Variants in RBFOX1 observed in about 807,000 individuals in gnomAD.
RBFOX1 encodes the protein RNA binding fox-1 homolog 1, also known as RNA binding protein fox-1 homolog 1.
RBFOX1 carries 8 observed loss-of-function variants against 57.7 expected under a neutral mutation model. The observed-to-expected ratio is 0.14, with a 90% CI of 0.08 to 0.25. The LOEUF (loss-of-function observed/expected upper bound fraction) is 0.25. Ranked by LOEUF, RBFOX1 falls within the 10% of genes least tolerant of loss-of-function variation. The pLI, the probability that RBFOX1 is intolerant of heterozygous loss-of-function variation, is 1.00. For synonymous variants in RBFOX1, 326 were observed against 222.4 expected, an observed-to-expected ratio of 1.47 and a Z score of -4.15; for missense variants, 611 against 548.5, an observed-to-expected ratio of 1.11 and a Z score of -1.14.
chr16:7,336,080 T>G (rs545265269), intron 4 of RBFOX1, among the ~76,000 whole-genome samples: 2 of 152,350 alleles, frequency 1.3e-5, no homozygotes, highest in Admixed American at 6.5e-5. Flanking sequence ...TTAACACTAC[T>G]TATTTCTGAA....
At chr16:6,681,138 C>T (rs944721739) in intron 3 of RBFOX1, among the ~76,000 whole-genome samples, 3 of 151,930 alleles carry the variant, frequency 2.0e-5, no homozygotes, top group Non-Finnish European at 4.4e-5. Context: ...TGGTGAGACC[C>T]CCATCTCTAC....
intron 2 of RBFOX1, among the ~76,000 whole-genome samples, chr16:5,521,071 C>T (rs1251930318): frequency 6.6e-6 from 1 of 152,182 alleles, no homozygotes; most frequent in Non-Finnish European, 1.5e-5. Flanking sequence ...ACTGAACCAG[C>T]CCCTAACCTC....
chr16:7,568,540 G>T (rs145001495), intron 5 of RBFOX1, among the ~76,000 whole-genome samples: 1 of 152,104 alleles, frequency 6.6e-6, no homozygotes, highest in Admixed American at 6.6e-5. Context: ...TATCAGCAAT[G>T]TGTTTATTAC....
At chr16:6,374,882 C>T (rs1714532023) in intron 2 of RBFOX1, among the ~76,000 whole-genome samples, 1 of 152,144 alleles carries the variant, frequency 6.6e-6, no homozygotes, top group Admixed American at 6.5e-5. Context: ...ATTTCTTAGC[C>T]TGTCAAGATT....
chr16:6,897,763 A>C (rs1422931314), intron 3 of RBFOX1, among the ~76,000 whole-genome samples: 1 of 152,178 alleles, frequency 6.6e-6, no homozygotes, highest in Admixed American at 6.5e-5. Context: ...GTTACACTCC[A>C]GCCTTGGATG....
At chr16:7,028,533 G>C (rs1219272131) in intron 3 of RBFOX1, among the ~76,000 whole-genome samples, 2 of 142,734 alleles carry the variant, frequency 1.4e-5, no homozygotes, top group Admixed American at 7.7e-5. Context: ...GTTGCAGTGA[G>C]CTGAGGTTGA....
chr16:7,300,925 CT>C (rs1305780594), intron 4 of RBFOX1, among the ~76,000 whole-genome samples: 1 of 152,068 alleles, frequency 6.6e-6, no homozygotes, highest in Non-Finnish European at 1.5e-5. Flanking sequence ...CAGGGTGGCC[CT>C]TGAATGCATA....
chr16:6,017,898 A>G (rs764606951), upstream of RBFOX1, among the ~76,000 whole-genome samples: 8 of 152,206 alleles, frequency 5.3e-5, no homozygotes, highest in Non-Finnish European at 1.2e-4. Context: ...GATCCATGGT[A>G]TAAGTGCAAA....
At chr16:6,319,585 T>C (rs1198754469) in intron 2 of RBFOX1, among the ~76,000 whole-genome samples, 1 of 152,204 alleles carries the variant, frequency 6.6e-6, no homozygotes, top group Non-Finnish European at 1.5e-5. Flanking sequence ...GGTTGGTTTC[T>C]ATTCCCCAAT....
rs367915357 is a variant in RBFOX1 at position 7,420,569 on chromosome 16, A to C, written c.28-97578A>C. 6.6e-5 allele frequency among the ~76,000 whole-genome samples: 10 copies of C among 151,906 alleles called. 1 individual carries two copies. In the East Asian group the frequency reaches 1.7e-3, roughly 26 times the overall value. On this transcript the variant is annotated intron_variant, in intron 4 of 15. Coordinates refer to ENST00000550418, the MANE Select transcript of RBFOX1 (RefSeq NM_018723.4). ...GAGCTTTCCTCAAGAATATTGAATTATTTATTATTTGTATCTTTTTTTTTC... is the reference window on the plus strand; with the variant it reads ...GAGCTTTCCTCAAGAATATTGAATTCTTTATTATTTGTATCTTTTTTTTTC...
At chr16:7,241,460 G>T (rs188328633) in intron 4 of RBFOX1, among the ~76,000 whole-genome samples, 211 of 152,190 alleles carry the variant, frequency 1.4e-3, no homozygotes, top group Non-Finnish European at 1.8e-3. Context: ...AAACCCTTTG[G>T]TTCATTCAAG....
rs140986687 is a variant in RBFOX1 at position 7,326,572 on chromosome 16, T to C, written c.28-191575T>C. Reference sequence around the variant, plus strand: ...AATGAATTAAAATTAACTAGCACTTTCTGGATGCCTTCCAAGCACCAGGAA... The same window carrying C: ...AATGAATTAAAATTAACTAGCACTTCCTGGATGCCTTCCAAGCACCAGGAA... On this transcript the variant is annotated intron_variant, in intron 4 of 15. Transcript: ENST00000550418. Among the ~76,000 whole-genome samples the C allele has an allele frequency of 8.5e-5, 13 of 152,244 alleles. No individual in the cohort carries two copies. In the East Asian group the frequency reaches 2.3e-3, roughly 27 times the overall value.
In RBFOX1 at chr16:6,842,521, C is replaced by T. The variant is rs527484464; in HGVS notation, c.-16+187871C>T. Among the ~76,000 whole-genome samples, 7 of 152,164 alleles carry T rather than the reference C, an allele frequency of 4.6e-5. No individual in the cohort carries two copies. The South Asian group carries it at 1.5e-3, about 32-fold the overall frequency. ...TTGAATCATATATTTTTATCCTGCC[C>T]TTTTCAGCTTGATGAATATCTGTAT... On this transcript the variant is annotated intron_variant, in intron 3 of 15. Transcript: ENST00000550418.
intron 3 of RBFOX1, among the ~76,000 whole-genome samples, chr16:6,987,430 T>C (rs930827766): frequency 6.0e-5 from 9 of 149,498 alleles, no homozygotes; most frequent in African/African-American, 2.2e-4. Context: ...TAGGCTTATC[T>C]CAGGACAGCA....
intron 3 of RBFOX1, among the ~76,000 whole-genome samples, chr16:5,815,534 A>G (rs17138678): frequency 0.04 from 6,009 of 151,636 alleles, 159 homozygotes; most frequent in Non-Finnish European, 0.054. Flanking sequence ...TTCCGTTTGG[A>G]CCCCACTCAG....
intron 1 of RBFOX1, among the ~76,000 whole-genome samples, chr16:5,334,768 A>G (rs961630013): frequency 4.0e-5 from 6 of 151,602 alleles, no homozygotes; most frequent in African/African-American, 1.5e-4. Context: ...GTCCAACGTT[A>G]AAGATGGCCA....
chr16:5,678,859 C>T (rs1300687649), intron 3 of RBFOX1, among the ~76,000 whole-genome samples: 1 of 152,172 alleles, frequency 6.6e-6, no homozygotes, highest in East Asian at 1.9e-4. Context: ...TCTTCTCATT[C>T]TTATTTGTAG....
In RBFOX1 at chr16:6,019,173, G is replaced by T. The variant is rs1338340292; in HGVS notation, c.-946G>T. On this transcript the variant is annotated 5_prime_UTR_variant, in exon 1 of 16. Transcript: ENST00000550418. This position sits in a 1 kb window ranked among gnomAD's most constrained non-coding sequence, Gnocchi z 4.2. ...TATTTTCTAATCTATATTTTTACTG[G>T]AAGATTTCCTCTTTATTCTCTCCCG... is the stretch of plus-strand genomic sequence containing the variant. The T allele has an allele frequency of 5.1e-6, 5 of 984,980 alleles. No homozygotes were observed. Among genetic ancestry groups the T allele is most frequent in the Non-Finnish European group, 6.0e-6 (5 of 829,988 alleles). 61.0% of individuals were successfully genotyped at this position (984,980 alleles called of 1,614,324 possible).
chr16:5,797,747 T>C (rs1040593259), intron 3 of RBFOX1, among the ~76,000 whole-genome samples: 1 of 152,174 alleles, frequency 6.6e-6, no homozygotes, highest in South Asian at 2.1e-4. Context: ...TTAGATTTTA[T>C]TGGAATTAAG....
Sources: gnomAD v4.1 joint callset for allele counts (sites outside exome capture counted in the v4.1 genomes callset) on GRCh38, gnomAD v4.1.1 for gene constraint, Gnocchi (gnomAD v3.1) non-coding constraint, MANE v1.5 for transcripts, NCBI Gene and HGNC (gene_info 2026-07-23, HGNC 2026-07-21) for gene names.